NRAP: variants seen among roughly 807,000 people sequenced by gnomAD.
The protein encoded by NRAP is nebulin related anchoring protein.
NRAP carries 189 observed loss-of-function variants against 225.9 expected under a neutral mutation model. That is an observed-to-expected ratio of 0.84 (90% confidence interval 0.74 to 0.94). NRAP has a LOEUF of 0.94. Among genes scored for constraint, NRAP ranks in the 40% least tolerant of loss-of-function variants. The pLI is 0.00. For synonymous variants in NRAP, 769 were observed against 790.7 expected (o/e 0.97, Z 0.46); for missense variants, 2,176 against 2,168.7 (o/e 1.00, Z -0.07).
At chr10:113,659,651 T>C (rs111260286) in intron 3 of NRAP, among the ~76,000 whole-genome samples, 3 of 152,200 alleles carry the variant, frequency 2.0e-5, no homozygotes, top group Admixed American at 6.5e-5. Flanking sequence ...AATTTCGTTC[T>C]CTGAATAGAA....
chr10:113,598,036 A>G lies in NRAP; in HGVS notation c.4265T>C (p.Ile1422Thr), dbSNP rs753624041. 1.1e-5 allele frequency: 18 copies of G among 1,613,748 alleles called. No homozygotes were observed. In the East Asian group the frequency reaches 1.6e-4, roughly 14 times the overall value. ...YKSDLIGMKG[I>T]GWLALRSPQM... The stretch of plus-strand genomic sequence containing the variant: ...TGGGGATCTCAGCGCCAGCCATCCT[A>G]TGCCCTTCATGCCGATCAGGTCTGA... Residue 1422 changes from isoleucine to threonine, a missense_variant, in exon 36 of 42, where the codon ATA becomes ACA. Ile to Thr is a moderately conservative substitution (Grantham distance 89). Coordinates refer to ENST00000359988, the MANE Select transcript of NRAP (RefSeq NM_198060.4).
intron 35 of NRAP, among the ~76,000 whole-genome samples, chr10:113,603,677 C>T (rs1309260584): frequency 6.6e-6 from 1 of 152,192 alleles, no homozygotes; most frequent in Non-Finnish European, 1.5e-5. Flanking sequence ...TCCCCACTCA[C>T]TCGGCCTCAA....
At chr10:113,643,073 C>G in intron 11 of NRAP, 35 bp from the exon 12 acceptor site, 3 of 1,041,402 alleles carry the variant, frequency 2.9e-6, no homozygotes, top group Non-Finnish European at 4.5e-6. Context: ...ACAATAGAAC[C>G]AAATCCGAAG....
chr10:113,613,799 CTTCTGGCCAGAAGCT>C (rs1399731277), intron 29 of NRAP, among the ~76,000 whole-genome samples: 2 of 152,156 alleles, frequency 1.3e-5, no homozygotes, highest in East Asian at 3.9e-4. Context: ...CCAGGTCCAG[CTTCTGGCCAGAAGCT>C]TAACACTTTT....
chr10:113,654,911 G>T (rs1306424545), intron 4 of NRAP, among the ~76,000 whole-genome samples: 1 of 150,860 alleles, frequency 6.6e-6, no homozygotes, highest in African/African-American at 2.5e-5. Flanking sequence ...AATGTAGGCT[G>T]CCATGAATAA....
intron 24 of NRAP, 102 bp from the exon 25 acceptor site, chr10:113,620,810 G>A (rs527897899): frequency 5.0e-6 from 4 of 792,554 alleles, no homozygotes; most frequent in South Asian, 4.5e-5. Flanking sequence ...TGCCAGCTGA[G>A]TCAAATTAGA....
intron 14 of NRAP, among the ~76,000 whole-genome samples, chr10:113,635,353 A>C (rs991500722): frequency 1.3e-5 from 2 of 152,214 alleles, no homozygotes; most frequent in Non-Finnish European, 2.9e-5. Context: ...AAACCTATGC[A>C]GGTAGAAGTA....
chr10:113,626,591 T>C (rs987519642), intron 20 of NRAP, among the ~76,000 whole-genome samples: 7 of 152,104 alleles, frequency 4.6e-5, no homozygotes, highest in African/African-American at 1.7e-4. Flanking sequence ...GGGACAACAG[T>C]AGAAGCTACT....
intron 15 of NRAP, 124 bp downstream of exon 15, chr10:113,633,988 C>A (rs939899019): frequency 1.4e-6 from 1 of 693,174 alleles, no homozygotes; most frequent in Admixed American, 2.3e-5. Flanking sequence ...GGGTCATTTT[C>A]TGGCTGTAAT....
Position 113,610,378 on chromosome 10 carries a change from GA to G in NRAP, c.3603+80del, listed in dbSNP as rs1200491993. On this transcript the variant is annotated intron_variant, in intron 31 of 41. Coordinates refer to ENST00000359988, the MANE Select transcript of NRAP (RefSeq NM_198060.4). ...TTAAAAAAAAAAAAAAAAAAAGGAA[GA>G]AAGAAAAAGGAAAGAAACAAACTGA... 2.1e-3 allele frequency: 1,121 copies of G among 544,534 alleles called. 13 individuals carry two copies. Among genetic ancestry groups the G allele is most frequent in the African/African-American group, 0.02 (987 of 50,396 alleles). The allele number at this position is 544,534 out of a possible 1,614,324, so 33.7% of individuals were successfully genotyped here. A position where few individuals can be genotyped will look rare whatever the true frequency, so the allele number is the denominator to read the frequency against.
chr10:113,652,923 C>G lies in NRAP; in HGVS notation c.570+12G>C. 1 of 1,589,722 alleles carries G rather than the reference C, an allele frequency of 6.3e-7. No individual in the cohort carries two copies. Among genetic ancestry groups the G allele is most frequent in the Non-Finnish European group, 8.6e-7 (1 of 1,160,620 alleles). ...AGCATAATCAATGGTGAAAAAGCAC[C>G]CAGGCACTCACTTGGCTGGCCAGCT... is the stretch of plus-strand genomic sequence containing the variant. On this transcript the variant is annotated intron_variant, in intron 6 of 41. Transcript: ENST00000359988.
rs60015356 is a variant in NRAP at position 113,644,147 on chromosome 10, C to CAAAA, written c.1111-1113_1111-1110dup. Among the ~76,000 whole-genome samples, 120 of 47,984 alleles carry CAAAA rather than the reference C, an allele frequency of 2.5e-3. 10 individuals carry two copies. Among genetic ancestry groups the CAAAA allele is most frequent in the African/African-American group, 5.6e-3 (73 of 13,108 alleles). 31.5% of individuals were successfully genotyped at this position (47,984 alleles called of 152,430 possible). Reference sequence around the variant, plus strand: ...GGCCAACAAGAGTGAAACTCCCTCTCAAAAAAAAAAAAAAAAAAAAAAGGC... The same window carrying CAAAA: ...GGCCAACAAGAGTGAAACTCCCTCTCAAAAAAAAAAAAAAAAAAAAAAAAAAGGC... On this transcript the variant is annotated intron_variant, in intron 11 of 41. Transcript: ENST00000359988.
At chr10:113,592,154 A>C (rs779829136) in intron 39 of NRAP, 40 bp downstream of exon 39, 10 of 1,315,468 alleles carry the variant, frequency 7.6e-6, no homozygotes, top group Non-Finnish European at 8.6e-6. Flanking sequence ...ACCAGAGAAA[A>C]ACTCATCAGT....
chr10:113,629,572 T>C lies in NRAP; in HGVS notation c.2040+16A>G, dbSNP rs1209077228. 1.3e-6 allele frequency: 2 copies of C among 1,566,290 alleles called. No individual in the cohort carries two copies. Among genetic ancestry groups the C allele is most frequent in the East Asian group, 2.2e-5 (1 of 44,650 alleles). The stretch of plus-strand genomic sequence containing the variant: ...GCAAGAGATGCATGAAGAGAACTGA[T>C]AATGTGTGGGCTCACCTCGCTCTGG... On this transcript the variant is annotated intron_variant, in intron 19 of 41. Transcript: ENST00000359988.
Position 113,588,973 on chromosome 10 carries a change from G to C in NRAP, c.*2C>G. On this transcript the variant is annotated 3_prime_UTR_variant, in exon 42 of 42. Coordinates refer to ENST00000359988, the MANE Select transcript of NRAP (RefSeq NM_198060.4). ...CCTCTCAGGAATCAGGGTGGACATGGCTCACAACAGCAGGGCCTTCTTCTT... is the reference window on the plus strand; with the variant it reads ...CCTCTCAGGAATCAGGGTGGACATGCCTCACAACAGCAGGGCCTTCTTCTT... The C allele has an allele frequency of 6.2e-7, 1 of 1,610,228 alleles. No homozygotes were observed. Among genetic ancestry groups the C allele is most frequent in the East Asian group, 2.2e-5 (1 of 44,848 alleles).
At chr10:113,609,683 T>C (rs977902240) in intron 31 of NRAP, among the ~76,000 whole-genome samples, 3 of 152,214 alleles carry the variant, frequency 2.0e-5, no homozygotes. Flanking sequence ...GAGAGGGGTC[T>C]GAGTATACCC....
At chr10:113,627,925 C>G (rs1337656604) in intron 20 of NRAP, among the ~76,000 whole-genome samples, 7 of 152,082 alleles carry the variant, frequency 4.6e-5, no homozygotes, top group Non-Finnish European at 1.0e-4. Flanking sequence ...GATTATCAGC[C>G]CTTAAATGGC....
intron 37 of NRAP, among the ~76,000 whole-genome samples, 181 bp from the exon 38 acceptor site, chr10:113,595,908 A>T (rs1846264106): frequency 6.6e-6 from 1 of 152,200 alleles, no homozygotes; most frequent in African/African-American, 2.4e-5. Flanking sequence ...ATGCCTTTAT[A>T]GCCAGGGTCA....
chr10:113,629,235 C>A (rs903216673), intron 19 of NRAP, among the ~76,000 whole-genome samples: 1 of 152,204 alleles, frequency 6.6e-6, no homozygotes, highest in Admixed American at 6.5e-5. Flanking sequence ...TGCTGAGACA[C>A]CGCAACCTTA....
Sources: allele counts gnomAD v4.1 joint callset (sites outside exome capture counted in the v4.1 genomes callset), GRCh38; gene constraint gnomAD v4.1.1; transcripts MANE v1.5; gene names NCBI Gene and HGNC (gene_info 2026-07-23, HGNC 2026-07-21).